Variants in LRMDA observed in about 807,000 individuals in gnomAD.
LRMDA encodes leucine-rich melanocyte differentiation-associated protein.
A neutral mutation model predicts 29.8 loss-of-function variants in LRMDA; 18 were observed. The ratio of observed to expected loss-of-function variants is 0.60; its 90% CI spans 0.42 to 0.90. The LOEUF (loss-of-function observed/expected upper bound fraction) is 0.90, where lower values mean the gene tolerates loss of function less well. Ranked by LOEUF, LRMDA falls within the 40% of genes least tolerant of loss-of-function variation. The pLI, the probability that LRMDA is intolerant of heterozygous loss-of-function variation, is 0.00. For missense variants in LRMDA, 273 were observed against 273.9 expected, an observed-to-expected ratio of 1.00 and a Z score of 0.02; for synonymous variants, 125 against 109.4, an observed-to-expected ratio of 1.14 and a Z score of -0.89.
chr10:76,195,391 G>A (rs79064675), intron 5 of LRMDA, among the ~76,000 whole-genome samples: 1,894 of 152,274 alleles, frequency 0.012, 47 homozygotes, highest in African/African-American at 0.041. Context: ...TGTGCCTTTT[G>A]AGGGTGACCA....
chr10:75,732,638 T>C (rs533815023), intron 2 of LRMDA, among the ~76,000 whole-genome samples: 18 of 152,326 alleles, frequency 1.2e-4, no homozygotes, highest in African/African-American at 4.3e-4. Flanking sequence ...GTATCCTCAT[T>C]GCACATGTGT....
intron 2 of LRMDA, among the ~76,000 whole-genome samples, chr10:75,442,391 AT>A (rs999594896): frequency 1.1e-4 from 17 of 152,190 alleles, no homozygotes; most frequent in Non-Finnish European, 1.8e-4. Context: ...TTTTGAGTTG[AT>A]TTTTGTATAT....
intron 5 of LRMDA, among the ~76,000 whole-genome samples, chr10:76,244,099 C>A (rs1033261904): frequency 6.6e-6 from 1 of 152,100 alleles, no homozygotes; most frequent in Non-Finnish European, 1.5e-5. Flanking sequence ...GGTGCAAGAT[C>A]CCTGGGAAAC....
intron 2 of LRMDA, among the ~76,000 whole-genome samples, chr10:75,549,676 CCTTT>C (rs1447405675): frequency 3.9e-5 from 6 of 152,162 alleles, no homozygotes; most frequent in Non-Finnish European, 5.9e-5. Context: ...CAATTAATTC[CCTTT>C]CTAAGTGCAC....
chr10:76,002,868 C>A (rs1847584518), intron 2 of LRMDA, among the ~76,000 whole-genome samples: 1 of 152,182 alleles, frequency 6.6e-6, no homozygotes, highest in Non-Finnish European at 1.5e-5. Flanking sequence ...AGAGGCCCAG[C>A]CTTCTGGGCC....
At chr10:75,564,391 G>T (rs927067940) in intron 2 of LRMDA, among the ~76,000 whole-genome samples, 3 of 152,182 alleles carry the variant, frequency 2.0e-5, no homozygotes, top group African/African-American at 7.2e-5. Context: ...TTGGAAAAGC[G>T]CAGTATTAGG....
intron 2 of LRMDA, among the ~76,000 whole-genome samples, chr10:75,695,085 G>A (rs1422055000): frequency 6.6e-6 from 1 of 152,038 alleles, no homozygotes; most frequent in Admixed American, 6.6e-5. Context: ...GGTGAGAGTC[G>A]AGGTCTCACT....
intron 2 of LRMDA, among the ~76,000 whole-genome samples, chr10:75,964,276 G>A (rs919976794): frequency 6.6e-6 from 1 of 152,294 alleles, no homozygotes. Context: ...GTTAAGAAAT[G>A]TTTGGTTCCT....
intron 2 of LRMDA, among the ~76,000 whole-genome samples, chr10:75,892,384 C>G (rs776109793): frequency 1.2e-4 from 18 of 152,188 alleles, no homozygotes; most frequent in Admixed American, 2.6e-4. Context: ...CCCTGAAATC[C>G]TGCCCTATTG....
At chr10:76,346,541 G>T (rs1480740178) in intron 6 of LRMDA, 1 of 152,142 alleles carries the variant, frequency 6.6e-6, no homozygotes, top group Non-Finnish European at 1.5e-5. Flanking sequence ...GAAATATGGA[G>T]AAAAATATAG....
intron 2 of LRMDA, among the ~76,000 whole-genome samples, chr10:75,788,170 C>T (rs1843505032): frequency 6.6e-6 from 1 of 152,252 alleles, no homozygotes; most frequent in African/African-American, 2.4e-5. Context: ...CACCGCACTG[C>T]AGCCTGGCAA....
At chr10:75,722,367 A>C (rs1426147367) in intron 2 of LRMDA, among the ~76,000 whole-genome samples, 1 of 152,206 alleles carries the variant, frequency 6.6e-6, no homozygotes, top group Non-Finnish European at 1.5e-5. Context: ...CAGATGCTAA[A>C]AAAGTAAGTA....
intron 6 of LRMDA, among the ~76,000 whole-genome samples, chr10:76,344,381 G>A (rs1236834924): frequency 6.6e-6 from 1 of 151,958 alleles, no homozygotes; most frequent in Non-Finnish European, 1.5e-5. Flanking sequence ...TTCTAGAAGG[G>A]TGTGCACAAG....
chr10:76,325,779 T>G (rs113529283), intron 6 of LRMDA, among the ~76,000 whole-genome samples: 62 of 152,262 alleles, frequency 4.1e-4, no homozygotes, highest in African/African-American at 1.2e-3. Context: ...GAAATTGAGA[T>G]TTCACTATGG....
Position 75,506,388 on chromosome 10 carries a change from A to G in LRMDA, c.131+67894A>G, listed in dbSNP as rs530975717. Among the ~76,000 whole-genome samples the G allele has an allele frequency of 9.2e-5, 14 of 152,318 alleles. No homozygotes were observed. In the East Asian group the frequency reaches 2.7e-3, roughly 29 times the overall value. On this transcript the variant is annotated intron_variant, in intron 2 of 6. Coordinates refer to ENST00000611255, the MANE Select transcript of LRMDA (RefSeq NM_001305581.2). The stretch of plus-strand genomic sequence containing the variant: ...CTGGCAGCAAAGCTGGGATTTCCAA[A>G]CCAACTAACAGTTCTGCCTTTTTAC...
intron 2 of LRMDA, among the ~76,000 whole-genome samples, chr10:75,659,254 T>A (rs1227961502): frequency 6.6e-6 from 1 of 152,224 alleles, no homozygotes; most frequent in Middle Eastern, 3.2e-3. Flanking sequence ...ACTTTCTTCA[T>A]CAAGGTTGGC....
At chr10:76,432,038 C>T (rs1325239320) in intron 6 of LRMDA, among the ~76,000 whole-genome samples, 2 of 152,154 alleles carry the variant, frequency 1.3e-5, no homozygotes, top group South Asian at 2.1e-4. Flanking sequence ...ATGTCTTTAT[C>T]AGCAGTGTGA....
At chr10:75,854,725 C>G (rs188103556) in intron 2 of LRMDA, among the ~76,000 whole-genome samples, 5 of 152,022 alleles carry the variant, frequency 3.3e-5, no homozygotes, top group Middle Eastern at 3.4e-3. Flanking sequence ...CCACTCCCCC[C>G]ACCCCACAAC....
chr10:75,916,356 C>T (rs1845934670), intron 2 of LRMDA, among the ~76,000 whole-genome samples: 1 of 152,134 alleles, frequency 6.6e-6, no homozygotes, highest in Admixed American at 6.5e-5. Context: ...ATGGCTATTG[C>T]TGGCTGGGCT....
Sources: gnomAD v4.1 joint callset for allele counts (sites outside exome capture counted in the v4.1 genomes callset) on GRCh38, gnomAD v4.1.1 for gene constraint, MANE v1.5 for transcripts, NCBI Gene and HGNC (gene_info 2026-07-23, HGNC 2026-07-21) for gene names.